The following SMC1A variants were observed in gnomAD, a reference collection of about 807,000 sequenced individuals.
The protein encoded by SMC1A is structural maintenance of chromosomes 1A.
SMC1A carries 4 observed loss-of-function variants against 94.5 expected under a neutral mutation model. The observed-to-expected ratio is 0.04, with a 90% CI of 0.02 to 0.10. SMC1A has a LOEUF of 0.10. Among genes scored for constraint, SMC1A ranks in the 10% least tolerant of loss-of-function variants. The pLI is 1.00. For missense variants in SMC1A, 304 were observed against 989.0 expected (o/e 0.31, Z 9.29); for synonymous variants, 345 against 347.7 (o/e 0.99, Z 0.09).
chrX:53,421,861 G>A, intron 1 of SMC1A: 2 of 1,174,765 alleles, frequency 1.7e-6, no homozygotes, highest in Non-Finnish European at 2.3e-6. Context: ...TGACGGTTTC[G>A]GTGGTAGGAA....
intron 15 of SMC1A, among the ~76,000 whole-genome samples, chrX:53,402,717 C>T (rs1460145562): frequency 2.9e-5 from 3 of 102,215 alleles, no homozygotes; most frequent in Non-Finnish European, 5.9e-5. Flanking sequence ...AAAAATTAGC[C>T]GGGCATGGTG....
chrX:53,397,060 TG>T (rs1452155506), intron 16 of SMC1A, among the ~76,000 whole-genome samples: 24 of 108,122 alleles, frequency 2.2e-4, no homozygotes, highest in Non-Finnish European at 3.0e-4. Context: ...CATTTGTTGT[TG>T]TTGTTTTTTT....
At chrX:53,390,134 G>A (rs367782145) in intron 19 of SMC1A, among the ~76,000 whole-genome samples, 2 of 101,534 alleles carry the variant, frequency 2.0e-5, no homozygotes, top group Non-Finnish European at 2.0e-5. Flanking sequence ...GTGAGCCACC[G>A]CACCCGGCCC....
chrX:53,383,006 G>A, intron 20 of SMC1A, 91 bp downstream of exon 20: 1 of 900,750 alleles, frequency 1.1e-6, no homozygotes, highest in Non-Finnish European at 1.6e-6. Context: ...AAACATGTCA[G>A]AACAGGAACT....
rs782803843 is a variant in SMC1A, at chrX:53,382,106, A to G, written c.3437+126T>C. The G allele has an allele frequency of 3.9e-4, 323 of 838,890 alleles. 1 individual carries two copies. The highest frequency in any genetic ancestry group is 1.8e-4 in the Non-Finnish European group (102 of 568,313). The allele number at this position is 838,890 out of a possible 1,213,427, so 69.1% of individuals were successfully genotyped here. The stretch of plus-strand genomic sequence containing the variant: ...CAGATATGCTGCAGTAGATAGTGAA[A>G]CAGGGATGCAATCCAGATTCCACCA... On this transcript the variant is annotated intron_variant, in intron 22 of 24. Coordinates refer to ENST00000322213, the MANE Select transcript of SMC1A (RefSeq NM_006306.4).
rs2075564872 is a variant in SMC1A at position 53,377,616 on chromosome X, A to T, written c.*2487T>A. The stretch of plus-strand genomic sequence containing the variant: ...GTACAGTGGAGAAAGCACTTGAATG[A>T]CTTGGAAGACCTGGGTTCAAACCTT... On this transcript the variant is annotated 3_prime_UTR_variant, in exon 25 of 25. Transcript: ENST00000322213. 8.9e-6 allele frequency: 1 copy of T among 112,181 alleles called. No individual in the cohort carries two copies. The highest frequency in any genetic ancestry group is 3.2e-5 in the African/African-American group (1 of 30,830). The allele number at this position is 112,181 out of a possible 1,213,427, so 9.2% of individuals were successfully genotyped here.
chrX:53,383,640 C>T (rs1556886183), intron 19 of SMC1A, among the ~76,000 whole-genome samples: 1 of 112,657 alleles, frequency 8.9e-6, no homozygotes. Context: ...CTTACAGCTC[C>T]ACAATAAGTA....
Position 53,421,873 on chromosome X carries a change from A to G in SMC1A, c.109+619T>C, listed in dbSNP as rs186718451. ...TTTTGACGGTTTCGGTGGTAGGAAAAGGGCGAGTTCGAGGCAACTACCTCT... is the reference window on the plus strand; with the variant it reads ...TTTTGACGGTTTCGGTGGTAGGAAAGGGGCGAGTTCGAGGCAACTACCTCT... On this transcript the variant is annotated intron_variant, in intron 1 of 24. Transcript: ENST00000322213. 3,875 of 933,005 alleles carry G rather than the reference A, an allele frequency of 4.2e-3. 93 individuals carry two copies. In the African/African-American group the frequency reaches 0.073, roughly 18 times the overall value. The allele number at this position is 933,005 out of a possible 1,213,427, so 76.9% of individuals were successfully genotyped here.
intron 1 of SMC1A, among the ~76,000 whole-genome samples, chrX:53,416,259 T>A (rs1344490896): frequency 5.0e-5 from 5 of 100,253 alleles, no homozygotes; most frequent in African/African-American, 1.8e-4. Flanking sequence ...GCCAAGATCG[T>A]GCCACTGCAC....
intron 18 of SMC1A, among the ~76,000 whole-genome samples, chrX:53,395,864 G>A (rs1211886109): frequency 3.6e-5 from 4 of 110,738 alleles, no homozygotes; most frequent in Non-Finnish European, 7.6e-5. Flanking sequence ...TTTGCTCTTG[G>A]CTAATGTCCC....
At chrX:53,389,496 C>T (rs1398423203) in intron 19 of SMC1A, among the ~76,000 whole-genome samples, 2 of 111,025 alleles carry the variant, frequency 1.8e-5, no homozygotes, top group Non-Finnish European at 3.8e-5. Context: ...TTCAGGAGGC[C>T]GAGGCGGGCG....
intron 1 of SMC1A, among the ~76,000 whole-genome samples, chrX:53,421,473 G>A (rs1164929639): frequency 1.8e-5 from 2 of 112,174 alleles, no homozygotes; most frequent in African/African-American, 6.5e-5. Context: ...CTTAGGCTAG[G>A]ATATCATTCA....
At position 53,382,565 on chromosome X, in the gene SMC1A, A is replaced by G; in HGVS notation, c.3226T>C (p.Ser1076Pro). 1.7e-6 allele frequency: 2 copies of G among 1,211,415 alleles called. No homozygotes were observed. The highest frequency in any genetic ancestry group is 2.2e-6 in the Non-Finnish European group (2 of 895,276). The stretch of plus-strand genomic sequence containing the variant: ...ATCTCATCAATGTTGGTAGCCACAG[A>G]TTCAAAACAAGCATTGAAGCGGTCA... ...RFDRFNACFE[S>P]VATNIDEIYK... is the part of the protein sequence containing the mutation. Residue 1076 changes from serine (S) to proline (P), a missense_variant, in exon 21 of 25, where the codon TCT (serine) becomes CCT (proline). Ser to Pro is a moderately conservative substitution (Grantham distance 74, BLOSUM62 -1). Around this residue, in one of 11 missense-constraint regions of SMC1A, gnomAD observed 17 missense variants for 38.8 expected, o/e 0.44. Coordinates refer to ENST00000322213, the MANE Select transcript of SMC1A (RefSeq NM_006306.4).
In SMC1A at chrX:53,381,844, AG is replaced by A. The variant is rs782312289; in HGVS notation, c.3437+387del. The A allele has an allele frequency of 1.3e-4, 35 of 268,675 alleles. No homozygotes were observed. In the East Asian group the frequency reaches 3.1e-3, roughly 24 times the overall value. The allele number at this position is 268,675 out of a possible 1,213,427, so 22.1% of individuals were successfully genotyped here. A position where few individuals can be genotyped will look rare whatever the true frequency, so the allele number is the denominator to read the frequency against. ...GACTCAAGTACTACTGGCATTCAGGAGGGGAAGGTCAGGGTATGCCACAGTG... is the reference window on the plus strand; with the variant it reads ...GACTCAAGTACTACTGGCATTCAGGAGGGAAGGTCAGGGTATGCCACAGTG... On this transcript the variant is annotated intron_variant, in intron 22 of 24. Transcript: ENST00000322213.
chrX:53,408,882 C>G (rs1305865299), intron 9 of SMC1A, among the ~76,000 whole-genome samples, 180 bp downstream of exon 9: 3 of 97,659 alleles, frequency 3.1e-5, no homozygotes, highest in African/African-American at 7.6e-5. Context: ...CTCAGGAGAA[C>G]AAGTTGGGTT....
chrX:53,419,395 C>CA (rs1252110068), intron 1 of SMC1A, among the ~76,000 whole-genome samples: 1 of 109,200 alleles, frequency 9.2e-6, no homozygotes, highest in African/African-American at 3.3e-5. Flanking sequence ...GGCATGGTGG[C>CA]ACACTCCAGT....
chrX:53,415,369 T>C (rs1178107231), intron 1 of SMC1A, among the ~76,000 whole-genome samples, 200 bp from the exon 2 acceptor site: 1 of 111,150 alleles, frequency 9.0e-6, no homozygotes, highest in Non-Finnish European at 1.9e-5. Context: ...AACAGTCCTT[T>C]TGCAGTTACT....
In SMC1A at chrX:53,412,299, G is replaced by A. The variant is rs781949949; in HGVS notation, c.855-46C>T. The stretch of plus-strand genomic sequence containing the variant: ...GAAACCAGTGAGAACTATGGAAGAA[G>A]GGAGGGTTCCCAGGCTTTTCACCCA... On this transcript the variant is annotated intron_variant, in intron 5 of 24. Coordinates refer to ENST00000322213, the MANE Select transcript of SMC1A (RefSeq NM_006306.4). The A allele has an allele frequency of 2.5e-6, 3 of 1,182,977 alleles. No homozygotes were observed. In the East Asian group the frequency reaches 8.9e-5, roughly 35 times the overall value.
Position 53,399,625 on chromosome X carries a change from C to T in SMC1A, c.2526G>A (p.Val842=), listed in dbSNP as rs1366369809. 2.5e-6 allele frequency: 3 copies of T among 1,207,036 alleles called. No individual in the cohort carries two copies. Among genetic ancestry groups the T allele is most frequent in the Non-Finnish European group, 3.4e-6 (3 of 893,217 alleles). ...QDKVHMWEQT[V]KKDENEIEKL... is the part of the protein sequence containing the mutation. ...TTTCTATCTCATTTTCATCTTTTTT[C>T]ACTGTCTGCTCCCACATGTGTACTT... is the stretch of plus-strand genomic sequence containing the variant. The change falls in exon 16 of 25, where the codon GTG becomes GTA. Residue 842 remains valine, a synonymous_variant. Coordinates refer to ENST00000322213, the MANE Select transcript of SMC1A (RefSeq NM_006306.4).
Sources: gnomAD v4.1 joint callset for allele counts (sites outside exome capture counted in the v4.1 genomes callset) on GRCh38, gnomAD v4.1.1 for gene constraint, gnomAD v4.1.1 regional missense constraint, MANE v1.5 for transcripts, NCBI Gene and HGNC (gene_info 2026-07-23, HGNC 2026-07-21) for gene names.